The following CDH12 variants were observed in gnomAD, a reference collection of about 807,000 sequenced individuals.
The protein encoded by CDH12 is cadherin-12.
A neutral mutation model predicts 74.1 loss-of-function variants in CDH12; 41 were observed. The observed-to-expected ratio is 0.55, with a 90% CI of 0.43 to 0.72. The LOEUF (loss-of-function observed/expected upper bound fraction) is 0.72, where lower values mean the gene tolerates loss of function less well. Ranked by LOEUF, CDH12 falls within the 30% of genes least tolerant of loss-of-function variation. The pLI is 0.00. For missense variants in CDH12, 945 were observed against 977.2 expected (o/e 0.97, Z 0.44); for synonymous variants, 399 against 355.0 (o/e 1.12, Z -1.39).
intron 3 of CDH12, among the ~76,000 whole-genome samples, chr5:22,295,377 C>T (rs1040581775): frequency 2.0e-5 from 3 of 152,108 alleles, no homozygotes; most frequent in East Asian, 1.9e-4. Context: ...AAGTGTTTGC[C>T]ATTGCACACA....
intron 3 of CDH12, 43 bp downstream of exon 3, chr5:22,405,214 A>C: frequency 1.8e-6 from 1 of 541,576 alleles, no homozygotes. Flanking sequence ...TCTTTAAAAA[A>C]AATAAAAAAT....
chr5:22,507,361 A>T (rs1736431623), intron 1 of CDH12, among the ~76,000 whole-genome samples: 1 of 152,108 alleles, frequency 6.6e-6, no homozygotes, highest in South Asian at 2.1e-4. Context: ...ATTTTTAATG[A>T]AATTATAAAA....
intron 10 of CDH12, among the ~76,000 whole-genome samples, chr5:21,792,512 A>G (rs1746554063): frequency 6.6e-6 from 1 of 151,754 alleles, no homozygotes; most frequent in Admixed American, 6.6e-5. Context: ...TCTAAAGAAG[A>G]AGAAATATAC....
At chr5:21,802,522 A>G (rs1747177600) in intron 9 of CDH12, 102 bp from the exon 10 acceptor site, 1 of 958,980 alleles carries the variant, frequency 1.0e-6, no homozygotes, top group Non-Finnish European at 1.6e-6. Context: ...TATCAATTAT[A>G]CTGGTTTAAA....
intron 2 of CDH12, among the ~76,000 whole-genome samples, chr5:22,435,386 AC>A (rs1472044217): frequency 1.3e-5 from 2 of 150,408 alleles, no homozygotes; most frequent in Non-Finnish European, 3.0e-5. Flanking sequence ...CTATTTAATA[AC>A]CCCCATATAT....
At chr5:21,753,627 G>T (rs1744220760) in intron 14 of CDH12, among the ~76,000 whole-genome samples, 1 of 152,194 alleles carries the variant, frequency 6.6e-6, no homozygotes, top group Non-Finnish European at 1.5e-5. Flanking sequence ...GTGTGAGATT[G>T]CTCAAGGAGG....
At chr5:22,309,698 A>T (rs1298583381) in intron 3 of CDH12, among the ~76,000 whole-genome samples, 3 of 152,010 alleles carry the variant, frequency 2.0e-5, no homozygotes, top group Non-Finnish European at 4.4e-5. Context: ...ATCTATATGT[A>T]TTCATCCTCC....
chr5:21,844,349 CA>C (rs112653308), intron 7 of CDH12, among the ~76,000 whole-genome samples: 6 of 148,112 alleles, frequency 4.1e-5, no homozygotes, highest in South Asian at 2.1e-4. Flanking sequence ...ATTTCAACTC[CA>C]AAAAAAAAAC....
At chr5:22,349,705 T>C (rs568976145) in intron 3 of CDH12, among the ~76,000 whole-genome samples, 21 of 152,306 alleles carry the variant, frequency 1.4e-4, no homozygotes, top group African/African-American at 5.1e-4. Context: ...ATGTCAGTGT[T>C]TGAATCCCTG....
Position 22,110,591 on chromosome 5 carries a change from T to G in CDH12, c.-186-31729A>C, listed in dbSNP as rs1209254273. 2.0e-5 allele frequency among the ~76,000 whole-genome samples: 3 copies of G among 151,802 alleles called. No homozygotes were observed. The East Asian group carries it at 5.8e-4, about 29-fold the overall frequency. ...TTGCTTCTAGGTGGGGCTACAGGAG[T>G]GTTTGGTGGGTCCAGATGGAGTAAT... On this transcript the variant is annotated intron_variant, in intron 4 of 14. Coordinates refer to ENST00000382254, the MANE Select transcript of CDH12 (RefSeq NM_004061.5).
In CDH12 at chr5:21,962,733, A is replaced by T. The variant is rs75726063; in HGVS notation, c.526+12358T>A. 2.9e-3 allele frequency among the ~76,000 whole-genome samples: 435 copies of T among 152,212 alleles called. 11 individuals carry two copies. The East Asian group carries it at 0.046, about 16-fold the overall frequency. On this transcript the variant is annotated intron_variant, in intron 6 of 14. Coordinates refer to ENST00000382254, the MANE Select transcript of CDH12 (RefSeq NM_004061.5). ...CCTGGTTTCATTATTTGTTAAGGAAAATCTCTTTCATTTTTGTTCTTAAAT... is the reference window on the plus strand; with the variant it reads ...CCTGGTTTCATTATTTGTTAAGGAATATCTCTTTCATTTTTGTTCTTAAAT...
At chr5:21,895,205 G>A (rs534725072) in intron 6 of CDH12, among the ~76,000 whole-genome samples, 4 of 152,134 alleles carry the variant, frequency 2.6e-5, no homozygotes, top group African/African-American at 7.2e-5. Context: ...CAAAGTGATT[G>A]GAGAGAAATG....
intron 5 of CDH12, among the ~76,000 whole-genome samples, chr5:22,030,108 G>C (rs943999497): frequency 7.0e-6 from 1 of 143,778 alleles, no homozygotes. Context: ...CTCTGGGGAC[G>C]GTTGTGGGGT....
intron 1 of CDH12, among the ~76,000 whole-genome samples, chr5:22,533,544 G>A (rs1362926616): frequency 6.6e-6 from 1 of 152,086 alleles, no homozygotes; most frequent in African/African-American, 2.4e-5. Context: ...AAAAGTTGTT[G>A]GTAAGGTTTT....
At chr5:21,764,517 C>T (rs1393469637) in intron 12 of CDH12, among the ~76,000 whole-genome samples, 1 of 151,562 alleles carries the variant, frequency 6.6e-6, no homozygotes. Flanking sequence ...GGCATGGTGG[C>T]GCATGCCTAT....
At chr5:22,283,449 G>T (rs1179550821) in intron 3 of CDH12, among the ~76,000 whole-genome samples, 1 of 151,114 alleles carries the variant, frequency 6.6e-6, no homozygotes, top group Non-Finnish European at 1.5e-5. Flanking sequence ...TAACAAATGA[G>T]GAAATATATT....
chr5:22,774,721 C>CT (rs1376405245), intron 1 of CDH12, among the ~76,000 whole-genome samples: 1 of 152,014 alleles, frequency 6.6e-6, no homozygotes, highest in African/African-American at 2.4e-5. Flanking sequence ...CATTAAACCT[C>CT]TTTTTCTGTA....
intron 3 of CDH12, among the ~76,000 whole-genome samples, chr5:22,272,907 A>G (rs1344610792): frequency 6.6e-6 from 1 of 152,214 alleles, no homozygotes; most frequent in Admixed American, 6.5e-5. Flanking sequence ...CATGAAACTT[A>G]CAATCATGGC....
chr5:21,867,439 G>GCCAGGGCGGGGCTGCCAAACA (rs1751388966), intron 6 of CDH12, among the ~76,000 whole-genome samples: 2 of 152,114 alleles, frequency 1.3e-5, no homozygotes, highest in Non-Finnish European at 2.9e-5. Flanking sequence ...TGGATGTCTA[G>GCCAGGGCGGGGCTGCCAAACA]CCAGGGCGGG....
Sources: gnomAD v4.1 joint callset for allele counts (sites outside exome capture counted in the v4.1 genomes callset) on GRCh38, gnomAD v4.1.1 for gene constraint, MANE v1.5 for transcripts, NCBI Gene and HGNC (gene_info 2026-07-23, HGNC 2026-07-21) for gene names.